CCSER1: variants seen among roughly 807,000 people sequenced by gnomAD.
CCSER1 encodes the protein serine-rich coiled-coil domain-containing protein 1.
Under a neutral mutation model 82.0 loss-of-function variants are expected in CCSER1, and 41 were observed. That is an observed-to-expected ratio of 0.50 (90% CI 0.39 to 0.65). The LOEUF (loss-of-function observed/expected upper bound fraction) is 0.65, where lower values mean the gene tolerates loss of function less well. Ranked by LOEUF, CCSER1 falls within the 30% of genes least tolerant of loss-of-function variation. The probability of loss-of-function intolerance (pLI) is 0.00; values close to 1 mark genes in which losing one functional copy is unlikely to be tolerated. For synonymous variants in CCSER1, 414 were observed against 383.9 expected, an observed-to-expected ratio of 1.08 and a Z score of -0.92; for missense variants, 1,119 against 1,064.2, an observed-to-expected ratio of 1.05 and a Z score of -0.72.
At chr4:90,748,203 T>C (rs1396032121) in intron 7 of CCSER1, among the ~76,000 whole-genome samples, 10 of 82,724 alleles carry the variant, frequency 1.2e-4, no homozygotes, top group Middle Eastern at 0.01. Context: ...CACCCCACAA[T>C]AGTCCCCAGA....
chr4:91,446,774 A>T (rs941228838), intron 10 of CCSER1, among the ~76,000 whole-genome samples: 2 of 150,606 alleles, frequency 1.3e-5, no homozygotes, highest in African/African-American at 4.9e-5. Flanking sequence ...CAGTTTTATG[A>T]TGAATATCTG....
At chr4:91,437,315 T>C (rs1411759553) in intron 10 of CCSER1, among the ~76,000 whole-genome samples, 1 of 152,172 alleles carries the variant, frequency 6.6e-6, no homozygotes, top group Non-Finnish European at 1.5e-5. Context: ...ATAAAGGAAT[T>C]TGAACTGTTG....
intron 10 of CCSER1, among the ~76,000 whole-genome samples, chr4:91,243,636 C>T (rs1047503139): frequency 1.3e-5 from 2 of 152,118 alleles, no homozygotes; most frequent in Admixed American, 6.5e-5. Flanking sequence ...AACCCTAGCT[C>T]CCAGATGACA....
intron 6 of CCSER1, among the ~76,000 whole-genome samples, chr4:90,721,712 G>A (rs1296998634): frequency 3.3e-5 from 5 of 151,354 alleles, no homozygotes; most frequent in Middle Eastern, 3.2e-3. Flanking sequence ...AAAGGTTTAC[G>A]ATACTATTTG....
In CCSER1 at chr4:90,276,311, CT is replaced by C. The variant is rs1341693560; in HGVS notation, c.-41-31930del. 5.0e-3 allele frequency among the ~76,000 whole-genome samples: 451 copies of C among 89,896 alleles called. 10 individuals are homozygous for C. Among genetic ancestry groups the C allele is most frequent in the Middle Eastern group, 0.024 (4 of 168 alleles). 59.0% of individuals were successfully genotyped at this position (89,896 alleles called of 152,430 possible). Reference sequence around the variant, plus strand: ...CCTTCCTTCCTTCCTTCCTTCCTTTCTTTCTTTTTCTTTCTTTCTTTCTTTC... The same window carrying C: ...CCTTCCTTCCTTCCTTCCTTCCTTTCTTCTTTTTCTTTCTTTCTTTCTTTC... On this transcript the variant is annotated intron_variant, in intron 1 of 10. Coordinates refer to ENST00000509176, the MANE Select transcript of CCSER1 (RefSeq NM_001145065.2).
intron 9 of CCSER1, among the ~76,000 whole-genome samples, chr4:90,955,290 G>A (rs73834706): frequency 0.028 from 4,276 of 152,156 alleles, 169 homozygotes; most frequent in African/African-American, 0.087. Context: ...GTCACTTTTC[G>A]GGAGTGCTAC....
Position 91,454,322 on chromosome 4 carries a change from A to C in CCSER1, c.2218-144250A>C, listed in dbSNP as rs369355835. On this transcript the variant is annotated intron_variant, in intron 10 of 10. Transcript: ENST00000509176. The stretch of plus-strand genomic sequence containing the variant: ...TGGCTTCTCCAGCTCCTAGATCTGC[A>C]TTCTTTGCATTTTGTGCTCGTGACC... 3.9e-5 allele frequency among the ~76,000 whole-genome samples: 6 copies of C among 151,998 alleles called. No individual in the cohort carries two copies. The East Asian group carries it at 7.7e-4, about 20-fold the overall frequency.
intron 9 of CCSER1, among the ~76,000 whole-genome samples, chr4:90,968,767 C>T (rs1023379268): frequency 4.6e-5 from 7 of 151,856 alleles, no homozygotes; most frequent in African/African-American, 1.5e-4. Context: ...CTGCATTGAA[C>T]ACAAAAACTC....
intron 1 of CCSER1, among the ~76,000 whole-genome samples, chr4:90,207,152 T>C (rs886931259): frequency 5.3e-5 from 8 of 152,172 alleles, no homozygotes; most frequent in African/African-American, 1.9e-4. Flanking sequence ...TTTGCCGGTC[T>C]GTGTCTTTTA....
intron 1 of CCSER1, among the ~76,000 whole-genome samples, chr4:90,135,648 A>T (rs1723552230): frequency 6.6e-6 from 1 of 152,210 alleles, no homozygotes; most frequent in Admixed American, 6.5e-5. Flanking sequence ...GTGCTTTCTA[A>T]ACGACAGTGC....
At chr4:91,358,410 T>TC (rs1553927780) in intron 10 of CCSER1, among the ~76,000 whole-genome samples, 12 of 147,072 alleles carry the variant, frequency 8.2e-5, no homozygotes, top group East Asian at 8.0e-4. Context: ...TTTTTTTTTT[T>TC]CCCGAGACAA....
At chr4:90,722,384 A>G (rs1201595979) in intron 6 of CCSER1, among the ~76,000 whole-genome samples, 6 of 151,818 alleles carry the variant, frequency 4.0e-5, no homozygotes, top group African/African-American at 1.4e-4. Context: ...TGTGTTTTTC[A>G]GCATAAAGCT....
At chr4:90,134,483 A>G (rs1217623243) in intron 1 of CCSER1, among the ~76,000 whole-genome samples, 1 of 152,240 alleles carries the variant, frequency 6.6e-6, no homozygotes, top group Admixed American at 6.5e-5. Context: ...ATTCAACCAC[A>G]CTTCTCTTAC....
In CCSER1 at chr4:90,173,196, A is replaced by G. The variant is rs997492067; in HGVS notation, c.-42+45365A>G. Among the ~76,000 whole-genome samples, 100 of 151,858 alleles carry G rather than the reference A, an allele frequency of 6.6e-4. 2 individuals are homozygous for G. The highest frequency in any genetic ancestry group is 8.6e-4 in the Admixed American group (13 of 15,176). On this transcript the variant is annotated intron_variant, in intron 1 of 10. Coordinates refer to ENST00000509176, the MANE Select transcript of CCSER1 (RefSeq NM_001145065.2). ...ATACAGTGTAGTAAATTTAATAATTATTTGAGTGTAAAATATTGCTGAAGA... is the reference window on the plus strand; with the variant it reads ...ATACAGTGTAGTAAATTTAATAATTGTTTGAGTGTAAAATATTGCTGAAGA...
At position 91,087,462 on chromosome 4, in the gene CCSER1, C is replaced by A. The variant is rs537184569; in HGVS notation, c.2217+1468C>A. Among the ~76,000 whole-genome samples, 518 of 151,924 alleles carry A rather than the reference C, an allele frequency of 3.4e-3. 1 individual carries two copies. The highest frequency in any genetic ancestry group is 5.2e-3 in the Non-Finnish European group (354 of 67,908). ...TAAATCATATTGCTTATTTTTCTAA[C>A]GTCCTTTGATTTTATTTTTATTATA... On this transcript the variant is annotated intron_variant, in intron 10 of 10. Coordinates refer to ENST00000509176, the MANE Select transcript of CCSER1 (RefSeq NM_001145065.2).
intron 1 of CCSER1, among the ~76,000 whole-genome samples, chr4:90,300,741 G>C (rs1000596475): frequency 1.3e-4 from 20 of 152,190 alleles, no homozygotes; most frequent in African/African-American, 4.6e-4. Context: ...GTGTATGGTA[G>C]TTAGCTTCCA....
intron 1 of CCSER1, among the ~76,000 whole-genome samples, chr4:90,222,164 C>T (rs1006982849): frequency 6.6e-5 from 10 of 151,902 alleles, no homozygotes; most frequent in African/African-American, 2.2e-4. Flanking sequence ...CACAGGGTCC[C>T]GTATTTGGAG....
At chr4:90,885,755 G>A (rs1722030126) in intron 8 of CCSER1, among the ~76,000 whole-genome samples, 1 of 152,128 alleles carries the variant, frequency 6.6e-6, no homozygotes, top group African/African-American at 2.4e-5. Context: ...ATGAAATGCT[G>A]AATTTATCAG....
intron 10 of CCSER1, among the ~76,000 whole-genome samples, chr4:91,462,296 C>A (rs966074373): frequency 1.1e-4 from 16 of 152,046 alleles, no homozygotes; most frequent in African/African-American, 3.9e-4. Context: ...ATATTTTGTA[C>A]GTATCAGATA....
Sources: allele counts gnomAD v4.1 joint callset (sites outside exome capture counted in the v4.1 genomes callset), GRCh38; gene constraint gnomAD v4.1.1; transcripts MANE v1.5; gene names NCBI Gene and HGNC (gene_info 2026-07-23, HGNC 2026-07-21).